AKAP19: variants seen among roughly 807,000 people sequenced by gnomAD.
AKAP19 encodes A-kinase anchoring protein 19.
chr2:189,951,847 A>G, the AKAP19 span, among the ~76,000 whole-genome samples: 1 of 152,240 alleles, frequency 6.6e-6, no homozygotes, highest in Non-Finnish European at 1.5e-5. Context: ...ATGCAGGAAG[A>G]ACTCTGTGAC....
the AKAP19 span, among the ~76,000 whole-genome samples, chr2:190,083,366 C>G: frequency 7.1e-6 from 1 of 139,964 alleles, no homozygotes; most frequent in Non-Finnish European, 1.6e-5. Context: ...GAGATCCTGT[C>G]TCAAAATAAA....
the AKAP19 span, among the ~76,000 whole-genome samples, chr2:190,017,672 A>G: frequency 1.3e-5 from 2 of 152,184 alleles, no homozygotes; most frequent in African/African-American, 4.8e-5. Context: ...ATCATACTAG[A>G]GATGAAATTG....
the AKAP19 span, among the ~76,000 whole-genome samples, chr2:190,195,003 C>T: frequency 2.0e-5 from 3 of 152,054 alleles, no homozygotes; most frequent in East Asian, 3.9e-4. Flanking sequence ...TGTAGGTGTG[C>T]ACCACCATGC....
At chr2:189,916,950 A>G in the AKAP19 span, among the ~76,000 whole-genome samples, 1 of 152,078 alleles carries the variant, frequency 6.6e-6, no homozygotes, top group Non-Finnish European at 1.5e-5. Context: ...TCTTCAGTTC[A>G]TGATTGATTT....
At chr2:190,083,711 C>T in the AKAP19 span, among the ~76,000 whole-genome samples, 3 of 151,924 alleles carry the variant, frequency 2.0e-5, no homozygotes, top group African/African-American at 7.3e-5. Context: ...CTATTTGCAG[C>T]GACAGTCAGT....
the AKAP19 span, among the ~76,000 whole-genome samples, chr2:189,967,022 G>A: frequency 6.6e-5 from 10 of 152,114 alleles, no homozygotes; most frequent in Admixed American, 2.0e-4. Flanking sequence ...TAGAAGTACC[G>A]ATACATGGCT....
chr2:190,027,765 T>G, the AKAP19 span, among the ~76,000 whole-genome samples: 1 of 152,186 alleles, frequency 6.6e-6, no homozygotes, highest in Non-Finnish European at 1.5e-5. Flanking sequence ...TCAATTTCCC[T>G]TGTGCATTTT....
chr2:190,174,368 A>G, the AKAP19 span, among the ~76,000 whole-genome samples: 30 of 152,330 alleles, frequency 2.0e-4, no homozygotes, highest in African/African-American at 6.0e-4. Context: ...AGAGCAGCGC[A>G]GATTAAATAC....
chr2:190,025,754 G>A, the AKAP19 span, among the ~76,000 whole-genome samples: 1 of 152,176 alleles, frequency 6.6e-6, no homozygotes, highest in Non-Finnish European at 1.5e-5. Context: ...ATGATAATCT[G>A]AGGCTCTCTT....
At chr2:190,159,712 A>G in the AKAP19 span, among the ~76,000 whole-genome samples, 1 of 152,158 alleles carries the variant, frequency 6.6e-6, no homozygotes, top group Non-Finnish European at 1.5e-5. Context: ...TCTCTGAGAG[A>G]TCACTTTAAG....
chr2:190,114,591 G>C, the AKAP19 span, among the ~76,000 whole-genome samples: 1 of 152,140 alleles, frequency 6.6e-6, no homozygotes, highest in Admixed American at 6.6e-5. Context: ...GAGTAGCTGG[G>C]ACTACAGGCA....
At chr2:190,006,986 C>T in the AKAP19 span, among the ~76,000 whole-genome samples, 2 of 152,156 alleles carry the variant, frequency 1.3e-5, no homozygotes, top group Non-Finnish European at 2.9e-5. Context: ...CACCACTGCA[C>T]TCCAGCCTGG....
the AKAP19 span, among the ~76,000 whole-genome samples, chr2:190,004,913 CTG>C: frequency 6.6e-6 from 1 of 152,346 alleles, no homozygotes; most frequent in South Asian, 2.1e-4. Flanking sequence ...GGCGATATTA[CTG>C]TGTCCGCAAT....
At chr2:189,928,415 A>T in the AKAP19 span, among the ~76,000 whole-genome samples, 205 of 152,296 alleles carry the variant, frequency 1.3e-3, 1 homozygote, top group African/African-American at 4.4e-3. Context: ...TCTGACTATA[A>T]TACTTGATGA....
chr2:190,097,889 AAAG>A, the AKAP19 span, among the ~76,000 whole-genome samples: 1 of 151,328 alleles, frequency 6.6e-6, no homozygotes, highest in South Asian at 2.1e-4. Flanking sequence ...AAAGAAAAGA[AAAG>A]AAAAGAAAAA....
chr2:190,102,822 A>G, the AKAP19 span, among the ~76,000 whole-genome samples: 1 of 152,084 alleles, frequency 6.6e-6, no homozygotes, highest in Non-Finnish European at 1.5e-5. Context: ...AGGAGGAAGG[A>G]CTCCTTCCTA....
the AKAP19 span, among the ~76,000 whole-genome samples, chr2:190,158,212 G>A: frequency 6.6e-6 from 1 of 152,098 alleles, no homozygotes; most frequent in South Asian, 2.1e-4. Flanking sequence ...TTGTGCACTC[G>A]GGGAGCTCGG....
At chr2:190,039,004 T>TTCC in the AKAP19 span, among the ~76,000 whole-genome samples, 1 of 117,828 alleles carries the variant, frequency 8.5e-6, no homozygotes, top group African/African-American at 4.8e-5. Context: ...TCTTCTCTTC[T>TTCC]TCTTCCTCTT....
the AKAP19 span, among the ~76,000 whole-genome samples, chr2:189,962,479 A>G: frequency 6.6e-6 from 1 of 152,252 alleles, no homozygotes; most frequent in South Asian, 2.1e-4. Flanking sequence ...TGATAAAGGA[A>G]GAAATGTAAA....
Sources: gnomAD v4.1 joint callset for allele counts (sites outside exome capture counted in the v4.1 genomes callset) on GRCh38, gnomAD v4.1.1 for gene constraint, MANE v1.5 for transcripts, NCBI Gene and HGNC (gene_info 2026-07-23, HGNC 2026-07-21) for gene names.